Variants in ZNF517 observed in about 807,000 individuals in gnomAD.
ZNF517 encodes zinc finger protein 517.
ZNF517 carries 12 observed loss-of-function variants against 12.1 expected under a neutral mutation model. The observed-to-expected ratio is 0.99, with a 90% CI of 0.63 to 1.61. The LOEUF is 1.61. Among genes scored for constraint, ZNF517 ranks in the 40% most tolerant of loss-of-function variants. ZNF517 has a pLI of 0.00. For synonymous variants in ZNF517, 388 were observed against 310.2 expected (o/e 1.25, Z -2.63); for missense variants, 781 against 693.2 (o/e 1.13, Z -1.42).
downstream of ZNF517, chr8:144,810,719 A>G (rs1430004516): frequency 6.4e-6 from 1 of 157,058 alleles, no homozygotes; most frequent in Non-Finnish European, 1.4e-5. Context: ...TGTGCTGGAA[A>G]CTGGGATGTG....
At chr8:144,810,401 G>T, downstream of ZNF517, 1 of 429,488 alleles carries the variant, frequency 2.3e-6, no homozygotes, top group Non-Finnish European at 4.2e-6. Context: ...AGGGGCTGCA[G>T]AAAGAGCCAT....
chr8:144,804,947 A>G (rs769516045), intron 4 of ZNF517, among the ~76,000 whole-genome samples: 10 of 152,242 alleles, frequency 6.6e-5, no homozygotes, highest in Non-Finnish European at 2.9e-5. Flanking sequence ...CAGGAGCATG[A>G]CCACTGAAAC....
At chr8:144,810,922 T>G (rs1827535338), downstream of ZNF517, 1 of 152,434 alleles carries the variant, frequency 6.6e-6, no homozygotes. Flanking sequence ...ATGGCGAGCG[T>G]GGGATCCAGC....
Position 144,808,356 on chromosome 8 carries a change from G to A in ZNF517, c.1440G>A (p.Glu480=), listed in dbSNP as rs1464834556. Residue 480 remains glutamate (E), a synonymous_variant, in exon 5 of 5, where the codon GAG becomes GAA. Coordinates refer to ENST00000359971, the MANE Select transcript of ZNF517 (RefSeq NM_213605.3). ...AGGTGCACGGCCGCGAGCCCGGGGA[G>A]GACACAGAGGGCAGGCGGGCGCCCT... ...HQKVHGREPG[E]DTEGRRAPCW... is the part of the protein sequence containing the mutation. 1.1e-5 allele frequency: 16 copies of A among 1,470,434 alleles called. No homozygotes were observed. The highest frequency in any genetic ancestry group is 1.4e-5 in the Non-Finnish European group (16 of 1,109,480). The allele number at this position is 1,470,434 out of a possible 1,614,324, so 91.1% of individuals were successfully genotyped here. A position where few individuals can be genotyped will look rare whatever the true frequency, so the allele number is the denominator to read the frequency against.
Position 144,809,645 on chromosome 8 carries a change from CCTT to C in ZNF517, c.*1254_*1256del, listed in dbSNP as rs1436544963. The C allele has an allele frequency of 2.0e-5, 3 of 152,568 alleles. No individual in the cohort carries two copies. Among genetic ancestry groups the C allele is most frequent in the Non-Finnish European group, 2.9e-5 (2 of 68,314 alleles). The allele number at this position is 152,568 out of a possible 1,614,324, so 9.5% of individuals were successfully genotyped here. ...ACCACTGGCTTCCTTGGTTCAACCA[CCTT>C]CTTACCTGGACTGAGCCTCACTTAC... On this transcript the variant is annotated 3_prime_UTR_variant, in exon 5 of 5. Transcript: ENST00000359971.
Position 144,808,325 on chromosome 8 carries a change from AC to A in ZNF517, c.1411del (p.Gln471ArgfsTer43), listed in dbSNP as rs761056124. ...AGCCGGCTGTCCACCCTCATCCAGC[AC>A]CAGAAGGTGCACGGCCGCGAGCCCG... ...ACSRLSTLIQ[H>X]QKVHGREPGE... On this transcript the variant is annotated frameshift_variant, in exon 5 of 5. Transcript: ENST00000359971. LOFTEE classifies it low-confidence loss of function (END_TRUNC). 1 of 1,509,504 alleles carries A rather than the reference AC, an allele frequency of 6.6e-7. No individual in the cohort carries two copies. The highest frequency in any genetic ancestry group is 2.4e-5 in the East Asian group (1 of 41,296). The allele number at this position is 1,509,504 out of a possible 1,614,324, so 93.5% of individuals were successfully genotyped here.
In ZNF517 at chr8:144,803,422, T is replaced by A. The variant is rs768540676; in HGVS notation, c.34-219T>A. On this transcript the variant is annotated intron_variant, in intron 2 of 4. Transcript: ENST00000359971. ...CCCCTTCCTGGTAAATCTCTCTCCC[T>A]CCCCCAAGTTCAGTTTTTCCCTCTT... 153 of 570,404 alleles carry A rather than the reference T, an allele frequency of 2.7e-4. 1 individual carries two copies. The highest frequency in any genetic ancestry group is 4.1e-4 in the Non-Finnish European group (135 of 332,822). 35.3% of individuals were successfully genotyped at this position (570,404 alleles called of 1,614,324 possible). A position where few individuals can be genotyped will look rare whatever the true frequency, so the allele number is the denominator to read the frequency against.
At chr8:144,812,609 G>A (rs1265831179), downstream of ZNF517, among the ~76,000 whole-genome samples, 1 of 152,232 alleles carries the variant, frequency 6.6e-6, no homozygotes, top group South Asian at 2.1e-4. Context: ...CTGCTGGGGG[G>A]ATTCCGTGTC....
At position 144,808,146 on chromosome 8, in the gene ZNF517, C is replaced by T. The variant is rs1827375476; in HGVS notation, c.1230C>T (p.Asn410=). 5.6e-6 allele frequency: 9 copies of T among 1,604,178 alleles called. No individual in the cohort carries two copies. The highest frequency in any genetic ancestry group is 6.0e-6 in the Non-Finnish European group (7 of 1,175,976). Residue 410 remains asparagine, a synonymous_variant, in exon 5 of 5, where the codon AAC becomes AAT. Transcript: ENST00000359971. ...ECGKAFGRKS[N]LTLHQKIHTK... The stretch of plus-strand genomic sequence containing the variant: ...GCAAGGCCTTCGGTCGCAAGTCCAA[C>T]CTCACTCTGCACCAGAAGATCCACA...
rs1003506703 is a variant in ZNF517 at position 144,803,488 on chromosome 8, G to A, written c.34-153G>A. On this transcript the variant is annotated intron_variant, in intron 2 of 4. Transcript: ENST00000359971. ...TGCTGAGAATGAGGCCGCTCACTCGGGGGGTGTTGGGCTGCCCTTTCTCTG... is the reference window on the plus strand; with the variant it reads ...TGCTGAGAATGAGGCCGCTCACTCGAGGGGTGTTGGGCTGCCCTTTCTCTG... 6 of 976,676 alleles carry A rather than the reference G, an allele frequency of 6.1e-6. No individual in the cohort carries two copies. The Admixed American group carries it at 1.2e-4, about 20-fold the overall frequency. 60.5% of individuals were successfully genotyped at this position (976,676 alleles called of 1,614,324 possible).
At chr8:144,807,113 G>T in intron 4 of ZNF517, 78 bp from the exon 5 acceptor site, 1 of 1,489,682 alleles carries the variant, frequency 6.7e-7, no homozygotes. Context: ...GGAATAAAAA[G>T]GTTATGTCTT....
At chr8:144,801,081 G>A (rs755855023) in intron 1 of ZNF517, among the ~76,000 whole-genome samples, 3 of 152,100 alleles carry the variant, frequency 2.0e-5, no homozygotes, top group Admixed American at 6.5e-5. Context: ...CGCCCTCATC[G>A]GCCTCCTAAA....
Position 144,808,614 on chromosome 8 carries a change from C to T in ZNF517, c.*219C>T. 1.9e-6 allele frequency: 1 copy of T among 540,206 alleles called. No individual in the cohort carries two copies. The highest frequency in any genetic ancestry group is 2.9e-6 in the Non-Finnish European group (1 of 347,594). 33.5% of individuals were successfully genotyped at this position (540,206 alleles called of 1,614,324 possible). On this transcript the variant is annotated 3_prime_UTR_variant, in exon 5 of 5. Coordinates refer to ENST00000359971, the MANE Select transcript of ZNF517 (RefSeq NM_213605.3). Reference sequence around the variant, plus strand: ...GGCCTCAGGAACCACTATCAGCCACCATTTCCTGGGGCCTTCCGGAAATGT... The same window carrying T: ...GGCCTCAGGAACCACTATCAGCCACTATTTCCTGGGGCCTTCCGGAAATGT...
chr8:144,812,091 C>G (rs1315146047), downstream of ZNF517, among the ~76,000 whole-genome samples: 10 of 119,606 alleles, frequency 8.4e-5, no homozygotes, highest in Admixed American at 8.0e-5. Flanking sequence ...GGGAGAGACA[C>G]CGACAGTAAA....
chr8:144,799,987 C>G (rs755727467), intron 1 of ZNF517, among the ~76,000 whole-genome samples: 7 of 152,162 alleles, frequency 4.6e-5, no homozygotes, highest in Non-Finnish European at 1.0e-4. Context: ...CTGAAACCTG[C>G]TGGAGGAGAG....
At chr8:144,806,862 T>A (rs1485681893) in intron 4 of ZNF517, among the ~76,000 whole-genome samples, 1 of 152,182 alleles carries the variant, frequency 6.6e-6, no homozygotes, top group African/African-American at 2.4e-5. Flanking sequence ...TGTCTTCACT[T>A]GATTGTGGTA....
chr8:144,803,086 C>A, intron 2 of ZNF517, 139 bp downstream of exon 2: 1 of 1,132,618 alleles, frequency 8.8e-7, no homozygotes, highest in Non-Finnish European at 1.2e-6. Flanking sequence ...AGGACAGCCT[C>A]CTCGCTCTAT....
chr8:144,803,954 C>G, intron 3 of ZNF517, 171 bp from the exon 4 acceptor site: 1 of 1,099,276 alleles, frequency 9.1e-7, no homozygotes, highest in South Asian at 1.6e-5. Context: ...AGGCTTCTCT[C>G]CTGGGGCAGG....
At chr8:144,801,508 C>T (rs1826958953) in intron 1 of ZNF517, among the ~76,000 whole-genome samples, 1 of 152,030 alleles carries the variant, frequency 6.6e-6, no homozygotes, top group Non-Finnish European at 1.5e-5. Flanking sequence ...GTCGGAGTCT[C>T]ACTCTGTCAC....
Sources: allele counts gnomAD v4.1 joint callset (sites outside exome capture counted in the v4.1 genomes callset), GRCh38; gene constraint gnomAD v4.1.1; transcripts MANE v1.5; gene names NCBI Gene and HGNC (gene_info 2026-07-23, HGNC 2026-07-21).